The following SLC4A5 variants were observed in gnomAD, a reference collection of about 807,000 sequenced individuals.
The protein encoded by SLC4A5 is electrogenic sodium bicarbonate cotransporter 4.
Under a neutral mutation model 120.4 loss-of-function variants are expected in SLC4A5, and 96 were observed. The ratio of observed to expected loss-of-function variants is 0.80; its 90% CI spans 0.68 to 0.94. SLC4A5 has a LOEUF of 0.94. Ranked by LOEUF, SLC4A5 falls within the 40% of genes least tolerant of loss-of-function variation. SLC4A5 has a pLI of 0.00. For missense variants in SLC4A5, 1,259 were observed against 1,459.5 expected (o/e 0.86, Z 2.24); for synonymous variants, 550 against 571.1 (o/e 0.96, Z 0.53).
chr2:74,227,833 C>T lies in SLC4A5; in HGVS notation c.2893G>A (p.Val965Met), dbSNP rs777586216. 65 of 1,611,456 alleles carry T rather than the reference C, an allele frequency of 4.0e-5. No individual in the cohort carries two copies. Among genetic ancestry groups the T allele is most frequent in the African/African-American group, 6.7e-5 (5 of 74,814 alleles). The change falls in exon 26 of 31, where the codon GTG becomes ATG. Residue 965 changes from valine to methionine, a missense_variant. Physicochemically the swap from Val to Met is conservative, Grantham distance 21. Coordinates refer to ENST00000394019, the Ensembl canonical transcript of SLC4A5. ...ACCTGGATGCCATTCAGGGAGGCCA[C>T]GCCCATGTAGAGGAAGACTCCGTAC...
chr2:74,237,982 G>A (rs1368879877), intron 21 of SLC4A5, among the ~76,000 whole-genome samples: 1 of 151,944 alleles, frequency 6.6e-6, no homozygotes, highest in Non-Finnish European at 1.5e-5. Flanking sequence ...GGCGCCTGTA[G>A]TCCCAGCTAT....
chr2:74,232,811 A>T (rs1670140080), intron 23 of SLC4A5, among the ~76,000 whole-genome samples, 164 bp from the exon 24 acceptor site: 1 of 152,116 alleles, frequency 6.6e-6, no homozygotes. Flanking sequence ...GTGTCCTGCC[A>T]CCCCATCTGA....
intron 8 of SLC4A5, among the ~76,000 whole-genome samples, chr2:74,276,164 G>A (rs1402105989): frequency 6.6e-6 from 1 of 152,076 alleles, no homozygotes; most frequent in Admixed American, 6.5e-5. Context: ...GAGAAAAAGA[G>A]AAGAGGAGCG....
At chr2:74,308,747 T>TC (rs1190237567) in intron 6 of SLC4A5, among the ~76,000 whole-genome samples, 1 of 152,056 alleles carries the variant, frequency 6.6e-6, no homozygotes, top group East Asian at 1.9e-4. Context: ...CATTTTTTTT[T>TC]TTTCATCAAT....
At chr2:74,234,590 T>C (rs1558869890) in intron 22 of SLC4A5, among the ~76,000 whole-genome samples, 2 of 152,228 alleles carry the variant, frequency 1.3e-5, no homozygotes, top group Non-Finnish European at 2.9e-5. Flanking sequence ...ATACTCCAAG[T>C]CACCTGAAGG....
intron 5 of SLC4A5, among the ~76,000 whole-genome samples, chr2:74,327,343 A>G (rs567748252): frequency 1.1e-4 from 17 of 152,320 alleles, no homozygotes; most frequent in Admixed American, 8.5e-4. Context: ...AGTATTTCAG[A>G]AAAGGACTTC....
intron 21 of SLC4A5, among the ~76,000 whole-genome samples, chr2:74,237,618 T>C (rs1670308395): frequency 6.6e-6 from 1 of 152,334 alleles, no homozygotes. Context: ...TTATGATTAG[T>C]AGCAGTAGCA....
intron 3 of SLC4A5, among the ~76,000 whole-genome samples, chr2:74,336,686 G>A (rs1558920148): frequency 6.6e-6 from 1 of 152,120 alleles, no homozygotes; most frequent in Non-Finnish European, 1.5e-5. Context: ...CCTGGCCTGG[G>A]GGATGGGAAT....
chr2:74,265,292 TG>T, intron 8 of SLC4A5, 28 bp from the exon 9 acceptor site: 1 of 1,606,532 alleles, frequency 6.2e-7, no homozygotes, highest in Non-Finnish European at 8.5e-7. Flanking sequence ...GGGCTCAGTG[TG>T]GCCAGGGCCC....
At chr2:74,329,328 G>A (rs946939326) in intron 4 of SLC4A5, among the ~76,000 whole-genome samples, 1 of 152,052 alleles carries the variant, frequency 6.6e-6, no homozygotes, top group Non-Finnish European at 1.5e-5. Context: ...GGTGGCTCAC[G>A]CCCGTAATCC....
At chr2:74,292,472 C>T (rs1432080218) in intron 7 of SLC4A5, among the ~76,000 whole-genome samples, 1 of 152,184 alleles carries the variant, frequency 6.6e-6, no homozygotes, top group East Asian at 1.9e-4. Flanking sequence ...CACATGTGTG[C>T]AGCACGTCAG....
rs571428961 is a variant in SLC4A5 at position 74,220,226 on chromosome 2, C to A, written c.*33+1208G>T. Among the ~76,000 whole-genome samples the A allele has an allele frequency of 2.0e-5, 3 of 152,318 alleles. No homozygotes were observed. In the East Asian group the frequency reaches 5.8e-4, roughly 29 times the overall value. ...CCACTATGTCATCATCAGGGAGTCT[C>A]ACCTTTTTCACGGGTGGCTTCTCAT... On this transcript the variant is annotated intron_variant, in intron 30 of 30. Coordinates refer to ENST00000394019, the Ensembl canonical transcript of SLC4A5.
chr2:74,291,580 C>A (rs1672174527), intron 7 of SLC4A5, among the ~76,000 whole-genome samples: 1 of 152,252 alleles, frequency 6.6e-6, no homozygotes, highest in South Asian at 2.1e-4. Flanking sequence ...CCCATTGAGG[C>A]TGGCTCCACT....
exon 28 of SLC4A5, chr2:74,224,913 G>C: frequency 6.2e-7 from 1 of 1,613,682 alleles, no homozygotes; most frequent in Non-Finnish European, 8.5e-7. Flanking sequence ...TTCCTTCTCT[G>C]GGAGGATGTT....
intron 8 of SLC4A5, among the ~76,000 whole-genome samples, chr2:74,276,655 G>A (rs373628174): frequency 1.3e-5 from 2 of 152,200 alleles, no homozygotes; most frequent in African/African-American, 4.8e-5. Context: ...GATTGCTTAC[G>A]TTAAGTGTAT....
At chr2:74,236,228 T>C (rs1344209477) in intron 21 of SLC4A5, among the ~76,000 whole-genome samples, 2 of 152,204 alleles carry the variant, frequency 1.3e-5, no homozygotes, top group African/African-American at 2.4e-5. Flanking sequence ...AATATTTTCA[T>C]TTACTAATTT....
In SLC4A5 at chr2:74,255,986, C is replaced by G; in HGVS notation, c.868-54G>C. On this transcript the variant is annotated intron_variant, in intron 12 of 30. Coordinates refer to ENST00000394019, the Ensembl canonical transcript of SLC4A5. This position sits in a 1 kb window ranked among gnomAD's most constrained non-coding sequence, Gnocchi z 4.0. ...AAGGAGACTCCCACCTGCTCTCACT[C>G]CCTCACTCCCCTTCAGACTGCTTTG... 3 of 1,591,348 alleles carry G rather than the reference C, an allele frequency of 1.9e-6. No homozygotes were observed. The South Asian group carries it at 3.4e-5, about 18-fold the overall frequency.
intron 8 of SLC4A5, 123 bp downstream of exon 8, chr2:74,285,650 G>C: frequency 8.7e-7 from 1 of 1,147,028 alleles, no homozygotes. Context: ...AAGGCAGCTG[G>C]GAGGGTCTTT....
At chr2:74,319,801 G>A (rs1045547683) in intron 5 of SLC4A5, among the ~76,000 whole-genome samples, 1 of 151,694 alleles carries the variant, frequency 6.6e-6, no homozygotes, top group Non-Finnish European at 1.5e-5. Context: ...GTTTCATTTG[G>A]TCTCACCTGA....
Sources: allele counts gnomAD v4.1 joint callset (sites outside exome capture counted in the v4.1 genomes callset), GRCh38; gene constraint gnomAD v4.1.1; non-coding constraint Gnocchi (gnomAD v3.1); transcripts MANE v1.5; gene names NCBI Gene and HGNC (gene_info 2026-07-23, HGNC 2026-07-21).